Variants in RCAN2 observed in about 807,000 individuals in gnomAD.
The protein encoded by RCAN2 is regulator of calcineurin 2, also known as calcipressin-2.
Under a neutral mutation model 23.6 loss-of-function variants are expected in RCAN2, and 9 were observed. The ratio of observed to expected loss-of-function variants is 0.38; its 90% confidence interval spans 0.23 to 0.67. The LOEUF is 0.67. Ranked by LOEUF, RCAN2 falls within the 30% of genes least tolerant of loss-of-function variation. RCAN2 has a pLI of 0.51. For missense variants in RCAN2, 273 were observed against 302.3 expected (o/e 0.90, Z 0.72); for synonymous variants, 109 against 115.7 (o/e 0.94, Z 0.37).
intron 4 of RCAN2, among the ~76,000 whole-genome samples, chr6:46,244,682 A>G (rs902975453): frequency 6.6e-6 from 1 of 152,236 alleles, no homozygotes; most frequent in African/African-American, 2.4e-5. Context: ...GGAAGAGCAC[A>G]GCATTGGAAG....
chr6:46,480,730 A>G (rs1768837401), intron 1 of RCAN2, among the ~76,000 whole-genome samples: 1 of 151,940 alleles, frequency 6.6e-6, no homozygotes, highest in Admixed American at 6.6e-5. Flanking sequence ...GGTTCACGCC[A>G]TTCTCTTGCC....
At chr6:46,277,600 T>TA (rs397772913) in intron 2 of RCAN2, among the ~76,000 whole-genome samples, 8 of 151,522 alleles carry the variant, frequency 5.3e-5, no homozygotes, top group Non-Finnish European at 7.4e-5. Context: ...TTTTTTTTTT[T>TA]ATAGAAAGTA....
intron 2 of RCAN2, among the ~76,000 whole-genome samples, chr6:46,384,145 G>A (rs943501977): frequency 6.6e-6 from 1 of 152,232 alleles, no homozygotes; most frequent in South Asian, 2.1e-4. Context: ...TCTGGGAACA[G>A]CACCTTTTCC....
chr6:46,436,928 G>T (rs1445783186), intron 2 of RCAN2, among the ~76,000 whole-genome samples: 2 of 152,120 alleles, frequency 1.3e-5, no homozygotes, highest in African/African-American at 4.8e-5. Flanking sequence ...TCAAAAGAAA[G>T]TTCAGCCTTC....
intron 2 of RCAN2, among the ~76,000 whole-genome samples, chr6:46,277,549 T>G (rs1360801091): frequency 6.6e-6 from 1 of 152,002 alleles, no homozygotes; most frequent in Non-Finnish European, 1.5e-5. Flanking sequence ...AGACAATAAA[T>G]TTTGTGCCCA....
intron 2 of RCAN2, among the ~76,000 whole-genome samples, chr6:46,417,636 C>G (rs987278319): frequency 2.0e-5 from 3 of 152,178 alleles, no homozygotes; most frequent in Non-Finnish European, 4.4e-5. Flanking sequence ...AATACAGGAG[C>G]TGGGGTAAAA....
intron 2 of RCAN2, among the ~76,000 whole-genome samples, chr6:46,369,234 C>T (rs1490531364): frequency 6.6e-6 from 1 of 152,074 alleles, no homozygotes; most frequent in Non-Finnish European, 1.5e-5. Context: ...CTGTCATCTC[C>T]TATAATGACA....
At chr6:46,243,377 C>T (rs951364631) in intron 4 of RCAN2, among the ~76,000 whole-genome samples, 106 of 152,230 alleles carry the variant, frequency 7.0e-4, no homozygotes, top group African/African-American at 2.5e-3. Context: ...TGCAGCTGTT[C>T]CATGGACACA....
chr6:46,393,997 G>A (rs1766011654), intron 2 of RCAN2, among the ~76,000 whole-genome samples: 1 of 152,172 alleles, frequency 6.6e-6, no homozygotes. Context: ...GGAAATTCAT[G>A]TCCTTAGGCC....
chr6:46,310,403 C>T (rs1266390241), intron 2 of RCAN2, among the ~76,000 whole-genome samples: 1 of 151,952 alleles, frequency 6.6e-6, no homozygotes, highest in Non-Finnish European at 1.5e-5. Flanking sequence ...GCTGGAATAC[C>T]ATCAGGAAGT....
At chr6:46,409,060 T>C (rs988943585) in intron 2 of RCAN2, among the ~76,000 whole-genome samples, 3 of 152,206 alleles carry the variant, frequency 2.0e-5, no homozygotes, top group Non-Finnish European at 4.4e-5. Flanking sequence ...ACTAATAAAA[T>C]AGATTCCATA....
At chr6:46,462,648 C>A (rs1413424512) in intron 1 of RCAN2, among the ~76,000 whole-genome samples, 1 of 152,176 alleles carries the variant, frequency 6.6e-6, no homozygotes, top group Non-Finnish European at 1.5e-5. Flanking sequence ...CCCAATAAAT[C>A]TGGATGTTAG....
At chr6:46,426,042 G>A (rs1035249648) in intron 2 of RCAN2, among the ~76,000 whole-genome samples, 7 of 151,726 alleles carry the variant, frequency 4.6e-5, no homozygotes, top group African/African-American at 9.7e-5. Context: ...AGGACTACAG[G>A]TGCCCACCAC....
chr6:46,408,305 C>T (rs1283629315), intron 2 of RCAN2, among the ~76,000 whole-genome samples: 1 of 152,184 alleles, frequency 6.6e-6, no homozygotes, highest in African/African-American at 2.4e-5. Flanking sequence ...GTGATGACTG[C>T]AGGCTCTTTG....
At chr6:46,223,432 G>T in intron 4 of RCAN2, 131 bp from the exon 5 acceptor site, 1 of 780,976 alleles carries the variant, frequency 1.3e-6, no homozygotes. Context: ...ATGCAGGGAT[G>T]GCACAGGGTG....
chr6:46,400,566 T>C (rs1157022950), intron 2 of RCAN2, among the ~76,000 whole-genome samples: 1 of 152,212 alleles, frequency 6.6e-6, no homozygotes, highest in Non-Finnish European at 1.5e-5. Context: ...TCGAAAGAAC[T>C]TGCCCTCAGC....
chr6:46,331,839 T>G (rs1040714224), intron 2 of RCAN2, among the ~76,000 whole-genome samples: 1 of 152,218 alleles, frequency 6.6e-6, no homozygotes, highest in African/African-American at 2.4e-5. Context: ...ACAGAGATTC[T>G]GCTAAAACAC....
intron 1 of RCAN2, among the ~76,000 whole-genome samples, chr6:46,488,684 T>C (rs1769059563): frequency 6.6e-6 from 1 of 152,174 alleles, no homozygotes; most frequent in Non-Finnish European, 1.5e-5. Flanking sequence ...TTCTCCATCT[T>C]TCTCAAGTCT....
chr6:46,378,885 T>C (rs1765549517), intron 2 of RCAN2, among the ~76,000 whole-genome samples: 1 of 152,210 alleles, frequency 6.6e-6, no homozygotes, highest in African/African-American at 2.4e-5. Flanking sequence ...ACTAGAGAGT[T>C]ACTCTTTTTG....
Sources: allele counts gnomAD v4.1 joint callset (sites outside exome capture counted in the v4.1 genomes callset), GRCh38; gene constraint gnomAD v4.1.1; transcripts MANE v1.5; gene names NCBI Gene and HGNC (gene_info 2026-07-23, HGNC 2026-07-21).